Variants in NCAM2 observed in about 807,000 individuals in gnomAD.
NCAM2 encodes neural cell adhesion molecule 2.
NCAM2 carries 30 observed loss-of-function variants against 98.1 expected under a neutral mutation model. The observed-to-expected ratio is 0.31, with a 90% CI of 0.23 to 0.41. NCAM2 has a LOEUF of 0.41. Ranked by LOEUF, NCAM2 falls within the 10% of genes least tolerant of loss-of-function variation. NCAM2 has a pLI of 1.00. For synonymous variants in NCAM2, 368 were observed against 342.4 expected, an observed-to-expected ratio of 1.07 and a Z score of -0.83; for missense variants, 867 against 1,005.8, an observed-to-expected ratio of 0.86 and a Z score of 1.87.
chr21:21,378,277 G>T lies in NCAM2; in HGVS notation c.1195+4264G>T, dbSNP rs566832150. Among the ~76,000 whole-genome samples the T allele has an allele frequency of 1.1e-4, 16 of 151,750 alleles. No homozygotes were observed. In the South Asian group the frequency reaches 1.7e-3, roughly 16 times the overall value. ...GAGGAACTTTTATACCACTTTCTATGATGGCCATGCCAATTTACATTCCCA... is the reference window on the plus strand; with the variant it reads ...GAGGAACTTTTATACCACTTTCTATTATGGCCATGCCAATTTACATTCCCA... On this transcript the variant is annotated intron_variant, in intron 9 of 17. Coordinates refer to ENST00000400546, the MANE Select transcript of NCAM2 (RefSeq NM_004540.5).
In NCAM2 at chr21:21,086,132, T is replaced by C. The variant is rs550807550; in HGVS notation, c.55+87514T>C. Among the ~76,000 whole-genome samples the C allele has an allele frequency of 9.8e-5, 15 of 152,344 alleles. No homozygotes were observed. The South Asian group carries it at 3.1e-3, about 32-fold the overall frequency. ...GACACATTCTTTACATGAGATAGAA[T>C]GTTCTTTGTAATCAATCCACACATT... On this transcript the variant is annotated intron_variant, in intron 1 of 17. Coordinates refer to ENST00000400546, the MANE Select transcript of NCAM2 (RefSeq NM_004540.5).
At position 21,099,577 on chromosome 21, in the gene NCAM2, G is replaced by A. The variant is rs115468009; in HGVS notation, c.55+100959G>A. Among the ~76,000 whole-genome samples, 613 of 151,968 alleles carry A rather than the reference G, an allele frequency of 4.0e-3. 6 individuals are homozygous for A. The highest frequency in any genetic ancestry group is 0.014 in the African/African-American group (576 of 41,482). ...TCACTATCATGAGAACAGCATGAGG[G>A]TAACAGACCCCATAATTCAATTACC... On this transcript the variant is annotated intron_variant, in intron 1 of 17. Transcript: ENST00000400546.
intron 1 of NCAM2, among the ~76,000 whole-genome samples, chr21:21,132,472 CTCTG>C (rs1040125291): frequency 4.0e-5 from 6 of 151,686 alleles, no homozygotes; most frequent in African/African-American, 9.7e-5. Context: ...AGAGGGATTG[CTCTG>C]TCTACCATTG....
chr21:21,170,037 A>G (rs1057395990), intron 1 of NCAM2, among the ~76,000 whole-genome samples: 1 of 152,180 alleles, frequency 6.6e-6, no homozygotes, highest in African/African-American at 2.4e-5. Flanking sequence ...GAGAATTATA[A>G]ATTAAAACAA....
At chr21:21,021,912 G>T (rs2064445268) in intron 1 of NCAM2, among the ~76,000 whole-genome samples, 1 of 152,020 alleles carries the variant, frequency 6.6e-6, no homozygotes. Context: ...GAAGTTTTAT[G>T]TCATGCACAT....
intron 1 of NCAM2, among the ~76,000 whole-genome samples, chr21:21,196,118 G>T (rs2068995901): frequency 1.3e-5 from 2 of 152,088 alleles, no homozygotes; most frequent in Admixed American, 6.6e-5. Flanking sequence ...AGGTCCTATG[G>T]CGTGGTGGAC....
intron 1 of NCAM2, among the ~76,000 whole-genome samples, chr21:21,126,753 C>T (rs1217066651): frequency 6.6e-6 from 1 of 151,894 alleles, no homozygotes. Flanking sequence ...AATAAAATAT[C>T]AGTGTGTTTG....
chr21:21,298,593 A>AGAT (rs2073580865), intron 5 of NCAM2, among the ~76,000 whole-genome samples: 1 of 33,790 alleles, frequency 3.0e-5, no homozygotes, highest in African/African-American at 5.4e-5. Context: ...AGATACAGAT[A>AGAT]GATAGATAGA....
At chr21:21,364,508 T>C (rs1033216056) in intron 8 of NCAM2, among the ~76,000 whole-genome samples, 1 of 151,982 alleles carries the variant, frequency 6.6e-6, no homozygotes, top group African/African-American at 2.4e-5. Context: ...CTATATAAGA[T>C]TTCTTATACA....
chr21:21,265,039 G>GTGTGTGTATATATA (rs1568855457), intron 1 of NCAM2, among the ~76,000 whole-genome samples: 1 of 44,806 alleles, frequency 2.2e-5, no homozygotes, highest in Admixed American at 2.9e-4. Flanking sequence ...GTGTATATAT[G>GTGTGTGTATATATA]TACACATATA....
intron 1 of NCAM2, among the ~76,000 whole-genome samples, chr21:21,090,324 A>G (rs995797870): frequency 1.3e-5 from 2 of 152,146 alleles, no homozygotes; most frequent in African/African-American, 4.8e-5. Flanking sequence ...TTTTTTTTAA[A>G]TACTTTCTGG....
intron 1 of NCAM2, among the ~76,000 whole-genome samples, chr21:21,176,769 G>A (rs1461371444): frequency 6.6e-6 from 1 of 151,442 alleles, no homozygotes; most frequent in African/African-American, 2.4e-5. Flanking sequence ...ATACAATCAG[G>A]AAATTAAAGC....
chr21:21,474,310 C>G (rs1984864227), intron 14 of NCAM2, among the ~76,000 whole-genome samples: 1 of 152,014 alleles, frequency 6.6e-6, no homozygotes, highest in South Asian at 2.1e-4. Context: ...AGCCCAAATA[C>G]TTAAAATGAT....
chr21:21,257,884 A>G (rs949528233), intron 1 of NCAM2, among the ~76,000 whole-genome samples: 1 of 152,144 alleles, frequency 6.6e-6, no homozygotes, highest in Non-Finnish European at 1.5e-5. Flanking sequence ...CCGGGCCCCC[A>G]ATGTTGATTG....
rs1378729321 is a variant in NCAM2 at position 21,542,792 on chromosome 21, G to A, written c.*4835G>A. 3 of 151,870 alleles carry A rather than the reference G, an allele frequency of 2.0e-5. No individual in the cohort carries two copies. The highest frequency in any genetic ancestry group is 2.4e-5 in the African/African-American group (1 of 41,426). The allele number at this position is 151,870 out of a possible 1,614,324, so 9.4% of individuals were successfully genotyped here. On this transcript the variant is annotated 3_prime_UTR_variant, in exon 18 of 18. Transcript: ENST00000400546. ...AAATTATGGCCGATTACACTGATGC[G>A]AAGGAGAAAACAGTGTAACACAGAG... is the stretch of plus-strand genomic sequence containing the variant.
chr21:21,488,688 T>G (rs573053198), intron 15 of NCAM2, among the ~76,000 whole-genome samples: 1 of 151,966 alleles, frequency 6.6e-6, no homozygotes, highest in South Asian at 2.1e-4. Flanking sequence ...TCCCTAGTCA[T>G]GTAAAGTTTT....
chr21:21,257,077 C>A (rs1196359845), intron 1 of NCAM2, among the ~76,000 whole-genome samples: 1 of 152,148 alleles, frequency 6.6e-6, no homozygotes, highest in Non-Finnish European at 1.5e-5. Context: ...TTCTAGGAAG[C>A]ATTGTTCTGG....
At chr21:21,269,752 G>A (rs1051934617) in intron 1 of NCAM2, among the ~76,000 whole-genome samples, 1 of 152,054 alleles carries the variant, frequency 6.6e-6, no homozygotes, top group Non-Finnish European at 1.5e-5. Flanking sequence ...GTGGAAGAGG[G>A]TGTTTTCCTT....
chr21:21,108,867 A>G (rs927221024), intron 1 of NCAM2, among the ~76,000 whole-genome samples: 2 of 152,148 alleles, frequency 1.3e-5, no homozygotes, highest in Admixed American at 1.3e-4. Context: ...AAGTCAGATC[A>G]TACATCTAAA....
Sources: allele counts gnomAD v4.1 joint callset (sites outside exome capture counted in the v4.1 genomes callset), GRCh38; gene constraint gnomAD v4.1.1; transcripts MANE v1.5; gene names NCBI Gene and HGNC (gene_info 2026-07-23, HGNC 2026-07-21).